PYHIN1: variants seen among roughly 807,000 people sequenced by gnomAD.
The protein encoded by PYHIN1 is pyrin and HIN domain family member 1, also known as pyrin and HIN domain-containing protein 1.
A neutral mutation model predicts 43.7 loss-of-function variants in PYHIN1; 32 were observed. That is an observed-to-expected ratio of 0.73 (90% CI 0.55 to 0.98). The LOEUF (loss-of-function observed/expected upper bound fraction) is 0.98, where lower values mean the gene tolerates loss of function less well. Among genes scored for constraint, PYHIN1 ranks in the 50% least tolerant of loss-of-function variants. PYHIN1 has a pLI of 0.00. For synonymous variants in PYHIN1, 205 were observed against 203.1 expected, an observed-to-expected ratio of 1.01 and a Z score of -0.08; for missense variants, 588 against 589.5, an observed-to-expected ratio of 1.00 and a Z score of 0.03.
At chr1:158,948,144 C>G (rs375821181) in intron 7 of PYHIN1, among the ~76,000 whole-genome samples, 4 of 152,268 alleles carry the variant, frequency 2.6e-5, no homozygotes, top group Admixed American at 2.6e-4. Context: ...GCGGTCATTG[C>G]TATTATTCTG....
intron 7 of PYHIN1, among the ~76,000 whole-genome samples, chr1:158,959,859 T>C (rs1409394606): frequency 4.6e-5 from 7 of 152,220 alleles, no homozygotes; most frequent in Admixed American, 4.6e-4. Context: ...CAGTTCATGC[T>C]ATGTGCATCA....
intron 5 of PYHIN1, among the ~76,000 whole-genome samples, chr1:158,942,687 A>C (rs778478763): frequency 6.6e-6 from 1 of 152,220 alleles, no homozygotes; most frequent in Non-Finnish European, 1.5e-5. Flanking sequence ...CATAACGATC[A>C]AAGATAGTGA....
the PYHIN1 span, among the ~76,000 whole-genome samples, chr1:158,982,424 C>T: frequency 6.6e-6 from 1 of 152,058 alleles, no homozygotes; most frequent in Admixed American, 6.6e-5. Context: ...TTGTTATTGT[C>T]AACTTTGTTG....
At position 158,943,975 on chromosome 1, in the gene PYHIN1, C is replaced by G; in HGVS notation, c.1188C>G (p.Ile396Met). 1.3e-6 allele frequency: 2 copies of G among 1,583,052 alleles called. No homozygotes were observed. The highest frequency in any genetic ancestry group is 1.7e-6 in the Non-Finnish European group (2 of 1,160,146). ...SKLMSEMHSFIQIQKNTNQRS... is the reference protein window; with the variant it reads ...SKLMSEMHSFMQIQKNTNQRS... Reference sequence around the variant, plus strand: ...TGATGTCAGAAATGCATAGTTTCATCCAGGTGAGAAATAAAGAAACAAATA... The same window carrying G: ...TGATGTCAGAAATGCATAGTTTCATGCAGGTGAGAAATAAAGAAACAAATA... The change falls in exon 6 of 9, where the codon ATC (isoleucine) becomes ATG (methionine). Residue 396 changes from isoleucine (I) to methionine (M), a missense_variant. Coordinates refer to ENST00000368140, the MANE Select transcript of PYHIN1 (RefSeq NM_152501.5).
rs540831575 is a variant in PYHIN1, at chr1:158,937,839, G to A, written c.266-558G>A. Among the ~76,000 whole-genome samples the A allele has an allele frequency of 2.0e-5, 3 of 152,062 alleles. No homozygotes were observed. The East Asian group carries it at 5.8e-4, about 30-fold the overall frequency. ...CAGGCACCTGTAGTCCCAGCTACTC[G>A]GAGGCTGAGGCAGGAGAATGGCGTG... On this transcript the variant is annotated intron_variant, in intron 2 of 8. Coordinates refer to ENST00000368140, the MANE Select transcript of PYHIN1 (RefSeq NM_152501.5).
At position 158,940,881 on chromosome 1, in the gene PYHIN1, T is replaced by C. The variant is rs532334306; in HGVS notation, c.580-1096T>C. Among the ~76,000 whole-genome samples the C allele has an allele frequency of 2.3e-4, 35 of 152,342 alleles. 1 individual carries two copies. The highest frequency in any genetic ancestry group is 1.5e-5 in the Non-Finnish European group (1 of 68,036). On this transcript the variant is annotated intron_variant, in intron 4 of 8. Coordinates refer to ENST00000368140, the MANE Select transcript of PYHIN1 (RefSeq NM_152501.5). ...TGTATACACATATTTTTTCTGAAAA[T>C]ATCATCATACAATGTAATGTCCTAT...
intron 7 of PYHIN1, among the ~76,000 whole-genome samples, chr1:158,954,924 A>T (rs1485301915): frequency 6.6e-6 from 1 of 150,940 alleles, no homozygotes; most frequent in African/African-American, 2.4e-5. Context: ...AAGCAAATGG[A>T]AAACAAAAAA....
At chr1:158,984,871 G>A in the PYHIN1 span, among the ~76,000 whole-genome samples, 39 of 151,998 alleles carry the variant, frequency 2.6e-4, no homozygotes, top group Non-Finnish European at 5.3e-4. Context: ...GTTAAGTCTT[G>A]TTTGTAGAAT....
chr1:158,980,999 A>G (rs76288400), downstream of PYHIN1, among the ~76,000 whole-genome samples: 4,273 of 152,126 alleles, frequency 0.028, 296 homozygotes, highest in East Asian at 0.26. Context: ...TCCTCTTTGT[A>G]CTGTCTTTAT....
chr1:158,973,998 C>A (rs1377647717), intron 8 of PYHIN1, among the ~76,000 whole-genome samples: 1 of 152,020 alleles, frequency 6.6e-6, no homozygotes, highest in African/African-American at 2.4e-5. Flanking sequence ...AGGAAGATTA[C>A]TGTTTTTCAT....
chr1:158,947,091 C>T lies in PYHIN1; in HGVS notation c.1359+2049C>T, dbSNP rs1649264890. On this transcript the variant is annotated intron_variant, in intron 7 of 8. Coordinates refer to ENST00000368140, the MANE Select transcript of PYHIN1 (RefSeq NM_152501.5). ...TATTTCCCATTCCTGTGCTTCACAACATCATAATTACTAGGGTGATTGGAT... is the reference window on the plus strand; with the variant it reads ...TATTTCCCATTCCTGTGCTTCACAATATCATAATTACTAGGGTGATTGGAT... 2.6e-5 allele frequency among the ~76,000 whole-genome samples: 4 copies of T among 152,298 alleles called. No homozygotes were observed. In the South Asian group the frequency reaches 8.3e-4, roughly 32 times the overall value.
Position 158,976,724 on chromosome 1 carries a change from A to G in PYHIN1, c.*29A>G. 3.1e-6 allele frequency: 5 copies of G among 1,604,048 alleles called. No individual in the cohort carries two copies. Among genetic ancestry groups the G allele is most frequent in the Non-Finnish European group, 4.3e-6 (5 of 1,174,818 alleles). On this transcript the variant is annotated 3_prime_UTR_variant, in exon 9 of 9. Coordinates refer to ENST00000368140, the MANE Select transcript of PYHIN1 (RefSeq NM_152501.5). ...AGGTCACCAAGGACAAGGATATCAAATAACTACTGTTCAATCTTTACTCAA... is the reference window on the plus strand; with the variant it reads ...AGGTCACCAAGGACAAGGATATCAAGTAACTACTGTTCAATCTTTACTCAA...
intron 7 of PYHIN1, among the ~76,000 whole-genome samples, chr1:158,954,465 G>T (rs1301964157): frequency 7.1e-6 from 1 of 141,148 alleles, no homozygotes; most frequent in Non-Finnish European, 1.5e-5. Context: ...TTAAAGAAAA[G>T]AATTTTCAAC....
chr1:158,962,367 T>G (rs1650369463), intron 7 of PYHIN1, among the ~76,000 whole-genome samples: 1 of 152,118 alleles, frequency 6.6e-6, no homozygotes, highest in Non-Finnish European at 1.5e-5. Flanking sequence ...CCAGTTGCCT[T>G]CAGGTTCTGA....
At position 158,976,949 on chromosome 1, in the gene PYHIN1, G is replaced by A. The variant is rs1013840981; in HGVS notation, c.*254G>A. On this transcript the variant is annotated 3_prime_UTR_variant, in exon 9 of 9. Coordinates refer to ENST00000368140, the MANE Select transcript of PYHIN1 (RefSeq NM_152501.5). Reference sequence around the variant, plus strand: ...TTAATTCTAGGAAATGGAGTATTAAGGGTGCATTTTATTTCATTAGTTTTA... The same window carrying A: ...TTAATTCTAGGAAATGGAGTATTAAAGGTGCATTTTATTTCATTAGTTTTA... 4.4e-6 allele frequency: 1 copy of A among 229,386 alleles called. No individual in the cohort carries two copies. The highest frequency in any genetic ancestry group is 2.5e-5 in the African/African-American group (1 of 40,356). The allele number at this position is 229,386 out of a possible 1,614,324, so 14.2% of individuals were successfully genotyped here. A position where few individuals can be genotyped will look rare whatever the true frequency, so the allele number is the denominator to read the frequency against.
In PYHIN1 at chr1:158,942,246, G is replaced by A; in HGVS notation, c.849G>A (p.Val283=). Residue 283 remains valine (V), a synonymous_variant, in exon 5 of 9, where the codon GTG becomes GTA. Coordinates refer to ENST00000368140, the MANE Select transcript of PYHIN1 (RefSeq NM_152501.5). ...CCAAACGTAATAGTCTCCTAGAGGT[G>A]AATGAAGCCTCTTCTGTATCTGAAG... ...NYSKRNSLLE[V]NEASSVSEAG... 6.2e-7 allele frequency: 1 copy of A among 1,614,074 alleles called. No individual in the cohort carries two copies. Among genetic ancestry groups the A allele is most frequent in the Non-Finnish European group, 8.5e-7 (1 of 1,179,970 alleles).
At chr1:158,943,755 G>A in intron 5 of PYHIN1, 35 bp from the exon 6 acceptor site, 1 of 1,533,792 alleles carries the variant, frequency 6.5e-7, no homozygotes, top group Non-Finnish European at 9.0e-7. Context: ...TAGTTACTAT[G>A]TTCTCACAAA....
At chr1:158,935,641 G>C (rs961265633) in intron 1 of PYHIN1, among the ~76,000 whole-genome samples, 2 of 152,194 alleles carry the variant, frequency 1.3e-5, no homozygotes, top group African/African-American at 4.8e-5. Context: ...GACAAGAGAA[G>C]AGTTAAGGAG....
chr1:158,984,948 T>C, the PYHIN1 span, among the ~76,000 whole-genome samples: 1 of 151,692 alleles, frequency 6.6e-6, no homozygotes, highest in Admixed American at 6.6e-5. Context: ...TAAGGTCTGT[T>C]TTTTTTTTCC....
Sources: allele counts gnomAD v4.1 joint callset (sites outside exome capture counted in the v4.1 genomes callset), GRCh38; gene constraint gnomAD v4.1.1; transcripts MANE v1.5; gene names NCBI Gene and HGNC (gene_info 2026-07-23, HGNC 2026-07-21).